The following GPR63 variants were observed in gnomAD, a reference collection of about 807,000 sequenced individuals.
The protein encoded by GPR63 is probable G protein-coupled receptor 63.
GPR63 carries 12 observed loss-of-function variants against 23.1 expected under a neutral mutation model. That is an observed-to-expected ratio of 0.52 (90% CI 0.33 to 0.84). The LOEUF is 0.84. Ranked by LOEUF, GPR63 falls within the 40% of genes least tolerant of loss-of-function variation. The pLI is 0.02. For missense variants in GPR63, 472 were observed against 515.6 expected (o/e 0.92, Z 0.82); for synonymous variants, 172 against 191.1 (o/e 0.90, Z 0.82).
intron 1 of GPR63, among the ~76,000 whole-genome samples, chr6:96,813,900 T>C (rs1226907792): frequency 6.6e-6 from 1 of 152,154 alleles, no homozygotes; most frequent in African/African-American, 2.4e-5. Context: ...TGGCATCATA[T>C]GAACATCTGC....
intron 1 of GPR63, among the ~76,000 whole-genome samples, chr6:96,831,879 C>G (rs1187742927): frequency 6.6e-6 from 1 of 151,598 alleles, no homozygotes; most frequent in Non-Finnish European, 1.5e-5. Flanking sequence ...GCATTCCAGC[C>G]TGGGCAACAC....
intron 1 of GPR63, among the ~76,000 whole-genome samples, chr6:96,805,469 G>A (rs560642016): frequency 6.6e-6 from 1 of 152,244 alleles, no homozygotes; most frequent in African/African-American, 2.4e-5. Flanking sequence ...GAGATCTGGA[G>A]GGGACAAACA....
chr6:96,822,563 T>A (rs1299319684), intron 1 of GPR63, among the ~76,000 whole-genome samples: 4 of 152,192 alleles, frequency 2.6e-5, no homozygotes, highest in African/African-American at 9.7e-5. Flanking sequence ...ACGCTATCCA[T>A]GTATACTATA....
Position 96,799,040 on chromosome 6 carries a change from A to C in GPR63, c.692T>G (p.Phe231Cys). ...QIPSRAPQCV[F>C]GYTTNPGYQA... is the part of the protein sequence containing the mutation. ...GTAGCCTGGATTGGTTGTGTACCCAAACACACACTGGGGAGCTCGGGAAGG... is the reference window on the plus strand; with the variant it reads ...GTAGCCTGGATTGGTTGTGTACCCACACACACACTGGGGAGCTCGGGAAGG... The change falls in exon 2 of 2, where the codon TTT becomes TGT. Residue 231 changes from phenylalanine to cysteine, a missense_variant. By Grantham distance (205) the Phe-to-Cys change is radical. Coordinates refer to ENST00000229955, the MANE Select transcript of GPR63 (RefSeq NM_030784.4). 6.2e-7 allele frequency: 1 copy of C among 1,614,188 alleles called. No individual in the cohort carries two copies. The highest frequency in any genetic ancestry group is 8.5e-7 in the Non-Finnish European group (1 of 1,180,024).
chr6:96,832,016 A>C (rs536250323), intron 1 of GPR63, among the ~76,000 whole-genome samples: 11 of 152,220 alleles, frequency 7.2e-5, no homozygotes, highest in African/African-American at 2.6e-4. Context: ...ACTATGATAC[A>C]TCCATAGAAT....
intron 1 of GPR63, among the ~76,000 whole-genome samples, chr6:96,825,594 T>G (rs1162555140): frequency 6.6e-6 from 1 of 152,064 alleles, no homozygotes; most frequent in East Asian, 1.9e-4. Context: ...TTATGTATGC[T>G]TCAAAGATTA....
chr6:96,802,154 G>T (rs1467588448), intron 1 of GPR63, among the ~76,000 whole-genome samples: 1 of 152,026 alleles, frequency 6.6e-6, no homozygotes, highest in African/African-American at 2.4e-5. Flanking sequence ...TCATTTCCTT[G>T]ACCATGTTAA....
At chr6:96,830,644 G>A (rs534996061) in intron 1 of GPR63, among the ~76,000 whole-genome samples, 5 of 152,260 alleles carry the variant, frequency 3.3e-5, no homozygotes, top group South Asian at 2.1e-4. Context: ...GAGTACATGC[G>A]TGTTTACCTT....
intron 1 of GPR63, among the ~76,000 whole-genome samples, chr6:96,827,855 A>G (rs779762400): frequency 2.0e-5 from 3 of 152,024 alleles, no homozygotes; most frequent in Admixed American, 6.6e-5. Context: ...CACACTCAGT[A>G]AAGGAAAATT....
intron 1 of GPR63, among the ~76,000 whole-genome samples, chr6:96,829,574 C>T (rs1774528003): frequency 6.6e-6 from 1 of 152,094 alleles, no homozygotes; most frequent in South Asian, 2.1e-4. Context: ...GTGGCATGCA[C>T]CTGTAGTCCC....
chr6:96,812,236 A>C (rs1308598165), intron 1 of GPR63, among the ~76,000 whole-genome samples: 4 of 152,202 alleles, frequency 2.6e-5, no homozygotes, highest in African/African-American at 9.6e-5. Context: ...TTTAAGTATG[A>C]ACCACAAGTA....
chr6:96,826,857 T>C lies in GPR63; in HGVS notation c.-151+10411A>G, dbSNP rs574983623. 5.9e-5 allele frequency among the ~76,000 whole-genome samples: 9 copies of C among 152,098 alleles called. No homozygotes were observed. In the East Asian group the frequency reaches 1.5e-3, roughly 26 times the overall value. ...AAAGAAAATAATCTCTCCCAAAAGA[T>C]CTGTAACCACAAGGTACATTTTAAG... On this transcript the variant is annotated intron_variant, in intron 1 of 1. Coordinates refer to ENST00000229955, the MANE Select transcript of GPR63 (RefSeq NM_030784.4).
intron 1 of GPR63, among the ~76,000 whole-genome samples, chr6:96,829,210 A>G (rs1774518831): frequency 6.6e-6 from 1 of 152,206 alleles, no homozygotes; most frequent in South Asian, 2.1e-4. Flanking sequence ...CACGTGGAAC[A>G]CTTATTTGTA....
intron 1 of GPR63, among the ~76,000 whole-genome samples, chr6:96,806,485 A>G (rs1773901783): frequency 6.6e-6 from 1 of 152,218 alleles, no homozygotes. Context: ...CCGGGCTGCT[A>G]TGAAAGCTGC....
At chr6:96,828,580 G>T (rs1208119589) in intron 1 of GPR63, among the ~76,000 whole-genome samples, 1 of 127,162 alleles carries the variant, frequency 7.9e-6, no homozygotes, top group Non-Finnish European at 1.7e-5. Flanking sequence ...AAAAAAAAAT[G>T]GTAGGGGCAG....
At chr6:96,807,650 C>T (rs866718538) in intron 1 of GPR63, among the ~76,000 whole-genome samples, 8 of 152,102 alleles carry the variant, frequency 5.3e-5, no homozygotes, top group Admixed American at 1.3e-4. Flanking sequence ...CAAATAAAAA[C>T]AGTAGGAACT....
chr6:96,800,013 C>T, intron 1 of GPR63, 132 bp from the exon 2 acceptor site: 1 of 411,172 alleles, frequency 2.4e-6, no homozygotes, highest in Non-Finnish European at 4.5e-6. Context: ...TTTTAGTCTC[C>T]AGTGTAGTCA....
chr6:96,810,198 G>A (rs898238717), intron 1 of GPR63, among the ~76,000 whole-genome samples: 1 of 152,084 alleles, frequency 6.6e-6, no homozygotes, highest in Non-Finnish European at 1.5e-5. Context: ...TCATCAATAA[G>A]ATAACAGTTA....
At chr6:96,810,595 T>C (rs1457713353) in intron 1 of GPR63, among the ~76,000 whole-genome samples, 2 of 151,262 alleles carry the variant, frequency 1.3e-5, no homozygotes, top group African/African-American at 4.9e-5. Flanking sequence ...TCTAGAATAG[T>C]GACAGCAGAG....
Sources: gnomAD v4.1 joint callset for allele counts (sites outside exome capture counted in the v4.1 genomes callset) on GRCh38, gnomAD v4.1.1 for gene constraint, MANE v1.5 for transcripts, NCBI Gene and HGNC (gene_info 2026-07-23, HGNC 2026-07-21) for gene names.